The following MSI2 variants were observed in gnomAD, a reference collection of about 807,000 sequenced individuals.
MSI2 encodes musashi RNA binding protein 2, also known as RNA-binding protein Musashi homolog 2.
In MSI2, 17 loss-of-function variants were observed where a neutral mutation model predicts 45.6. The observed-to-expected ratio is 0.37, with a 90% confidence interval of 0.26 to 0.56. The LOEUF (loss-of-function observed/expected upper bound fraction) is 0.56, where lower values mean the gene tolerates loss of function less well. Among genes scored for constraint, MSI2 ranks in the 20% least tolerant of loss-of-function variants. The pLI is 0.77. For missense variants in MSI2, 293 were observed against 444.2 expected (o/e 0.66, Z 3.06); for synonymous variants, 156 against 158.2 (o/e 0.99, Z 0.11).
At chr17:57,499,626 A>G (rs1276495421) in intron 6 of MSI2, among the ~76,000 whole-genome samples, 1 of 152,248 alleles carries the variant, frequency 6.6e-6, no homozygotes, top group East Asian at 1.9e-4. Context: ...GCTTAAAACA[A>G]CAGCAATCGT....
chr17:57,356,902 C>T (rs1598163569), intron 5 of MSI2, among the ~76,000 whole-genome samples: 1 of 152,132 alleles, frequency 6.6e-6, no homozygotes, highest in Non-Finnish European at 1.5e-5. Context: ...CAGCTGCTTT[C>T]GGTTTTGAAT....
chr17:57,366,749 C>T (rs1917225691), intron 5 of MSI2, among the ~76,000 whole-genome samples: 1 of 152,228 alleles, frequency 6.6e-6, no homozygotes, highest in Admixed American at 6.5e-5. Flanking sequence ...CTGCAGAACC[C>T]TTTCTAATTG....
chr17:57,369,505 T>C (rs1268460051), intron 5 of MSI2, among the ~76,000 whole-genome samples: 1 of 152,244 alleles, frequency 6.6e-6, no homozygotes, highest in Non-Finnish European at 1.5e-5. Context: ...ACCCTCCTGT[T>C]GATGAATAAT....
chr17:57,397,425 A>G (rs1238868361), intron 5 of MSI2, among the ~76,000 whole-genome samples: 1 of 152,232 alleles, frequency 6.6e-6, no homozygotes, highest in East Asian at 1.9e-4. Flanking sequence ...ATGCATGTGC[A>G]TATACATGTG....
At chr17:57,470,530 G>C (rs2085414875) in intron 6 of MSI2, among the ~76,000 whole-genome samples, 1 of 152,118 alleles carries the variant, frequency 6.6e-6, no homozygotes, top group Non-Finnish European at 1.5e-5. Context: ...TGCCCTCCTG[G>C]GCCTCCCAAA....
At chr17:57,579,716 T>C (rs137952458) in intron 7 of MSI2, among the ~76,000 whole-genome samples, 226 of 152,248 alleles carry the variant, frequency 1.5e-3, no homozygotes, top group African/African-American at 5.0e-3. Context: ...ATATAAGTAA[T>C]GAGAATGGTC....
intron 5 of MSI2, 69 bp downstream of exon 5, chr17:57,262,261 C>A: frequency 6.6e-7 from 1 of 1,522,980 alleles, no homozygotes; most frequent in African/African-American, 1.4e-5. Flanking sequence ...AAATTTCAAA[C>A]AGCATTGGCC....
intron 5 of MSI2, among the ~76,000 whole-genome samples, chr17:57,263,143 T>C (rs1444634110): frequency 6.6e-6 from 1 of 152,172 alleles, no homozygotes; most frequent in Admixed American, 6.5e-5. Flanking sequence ...AACCTTTTAA[T>C]CGTGTAAAGA....
chr17:57,476,803 T>C (rs927036608), intron 6 of MSI2, among the ~76,000 whole-genome samples: 2 of 152,216 alleles, frequency 1.3e-5, no homozygotes, highest in African/African-American at 4.8e-5. Flanking sequence ...TCACAGAGGC[T>C]CCGTCATTTG....
intron 7 of MSI2, among the ~76,000 whole-genome samples, chr17:57,539,219 G>T (rs2144115452): frequency 2.1e-5 from 3 of 140,078 alleles, no homozygotes; most frequent in Admixed American, 1.5e-4. Context: ...GTCTGGCTCT[G>T]TTGCCCAGGC....
chr17:57,582,530 T>G (rs898099560), intron 7 of MSI2, among the ~76,000 whole-genome samples: 2 of 152,224 alleles, frequency 1.3e-5, no homozygotes, highest in Non-Finnish European at 2.9e-5. Flanking sequence ...AAAGGTTGGA[T>G]TCTAAGTTTA....
At chr17:57,469,711 C>G (rs1389475647) in intron 6 of MSI2, among the ~76,000 whole-genome samples, 1 of 152,252 alleles carries the variant, frequency 6.6e-6, no homozygotes, top group Non-Finnish European at 1.5e-5. Context: ...AGGGCAGGAA[C>G]TGAAAGTTTC....
intron 5 of MSI2, among the ~76,000 whole-genome samples, chr17:57,384,918 T>C (rs1456653374): frequency 6.6e-6 from 1 of 152,176 alleles, no homozygotes; most frequent in Non-Finnish European, 1.5e-5. Context: ...CTGCATCCCC[T>C]ATCTCAATTG....
chr17:57,506,538 G>A (rs1035210701), intron 6 of MSI2, among the ~76,000 whole-genome samples: 1 of 152,158 alleles, frequency 6.6e-6, no homozygotes, highest in African/African-American at 2.4e-5. Flanking sequence ...TGTTCCCTGG[G>A]AACGTTCGCA....
intron 5 of MSI2, among the ~76,000 whole-genome samples, chr17:57,339,156 T>C (rs1225820143): frequency 6.6e-6 from 1 of 152,206 alleles, no homozygotes; most frequent in Non-Finnish European, 1.5e-5. Flanking sequence ...TCCTTAGAAC[T>C]GTCCATCACA....
chr17:57,572,691 C>A (rs1231491206), intron 7 of MSI2, among the ~76,000 whole-genome samples: 1 of 152,174 alleles, frequency 6.6e-6, no homozygotes, highest in Admixed American at 6.5e-5. Flanking sequence ...GCCCTCCTTT[C>A]CCCAGAGCTG....
intron 7 of MSI2, among the ~76,000 whole-genome samples, chr17:57,537,031 A>G (rs999938122): frequency 1.3e-5 from 2 of 152,234 alleles, no homozygotes; most frequent in African/African-American, 4.8e-5. Context: ...AGGGGAGTGG[A>G]GAGCTGTGAT....
At chr17:57,335,725 G>T (rs1349363550) in intron 5 of MSI2, among the ~76,000 whole-genome samples, 4 of 152,172 alleles carry the variant, frequency 2.6e-5, no homozygotes, top group Non-Finnish European at 5.9e-5. Context: ...ACTGAAACGG[G>T]GTGAAACGGG....
At chr17:57,620,877 G>A (rs1216260864) in intron 9 of MSI2, among the ~76,000 whole-genome samples, 1 of 152,192 alleles carries the variant, frequency 6.6e-6, no homozygotes, top group Non-Finnish European at 1.5e-5. Flanking sequence ...CAGATGCAGT[G>A]TCAAGTTGTA....
Sources: allele counts gnomAD v4.1 joint callset (sites outside exome capture counted in the v4.1 genomes callset), GRCh38; gene constraint gnomAD v4.1.1; transcripts MANE v1.5; gene names NCBI Gene and HGNC (gene_info 2026-07-23, HGNC 2026-07-21).